The following ZNF616 variants were observed in gnomAD, a reference collection of about 807,000 sequenced individuals.
ZNF616 encodes zinc finger protein 616.
Under a neutral mutation model 7.6 loss-of-function variants are expected in ZNF616, and 5 were observed. The observed-to-expected ratio is 0.66, with a 90% CI of 0.34 to 1.38. ZNF616 has a LOEUF of 1.38. Ranked by LOEUF, ZNF616 falls within the 40% of genes most tolerant of loss-of-function variation. The pLI is 0.04. For synonymous variants in ZNF616, 319 were observed against 317.2 expected (o/e 1.01, Z -0.06); for missense variants, 913 against 948.3 (o/e 0.96, Z 0.49).
intron 1 of ZNF616, among the ~76,000 whole-genome samples, chr19:52,130,842 A>G (rs888086560): frequency 3.9e-5 from 6 of 152,244 alleles, no homozygotes; most frequent in Non-Finnish European, 8.8e-5. Context: ...GCTCCCATTC[A>G]GGGCACGGAC....
Position 52,116,500 on chromosome 19 carries a change from A to G in ZNF616, c.664T>C (p.Phe222Leu), listed in dbSNP as rs1380929717. 1 of 1,614,130 alleles carries G rather than the reference A, an allele frequency of 6.2e-7. No homozygotes were observed. Among genetic ancestry groups the G allele is most frequent in the Non-Finnish European group, 8.5e-7 (1 of 1,180,022 alleles). The change falls in exon 4 of 4, where the codon TTT (phenylalanine) becomes CTT (leucine). Residue 222 changes from phenylalanine (F) to leucine (L), a missense_variant. Phe to Leu is a conservative substitution (Grantham distance 22). Transcript: ENST00000600228. Reference sequence around the variant, plus strand: ...ACAGTTAGTAGTGAGGCCCGATGAAAGGCTTTGCCACACTCATTGCATTTG... The same window carrying G: ...ACAGTTAGTAGTGAGGCCCGATGAAGGGCTTTGCCACACTCATTGCATTTG... Reference protein sequence around the residue: ...PYKCNECGKAFHRASLLTVHK... With the variant: ...PYKCNECGKALHRASLLTVHK...
rs2088884102 is a variant in ZNF616 at position 52,123,959 on chromosome 19, C to T, written c.103G>A (p.Val35Met). 6.2e-7 allele frequency: 1 copy of T among 1,614,010 alleles called. No individual in the cohort carries two copies. Among genetic ancestry groups the T allele is most frequent in the African/African-American group, 1.3e-5 (1 of 74,932 alleles). ...AGGTTCCTATAGTTCTCCAACATCACATCCTTGTACAAAGCTTTCTGCACA... is the reference window on the plus strand; with the variant it reads ...AGGTTCCTATAGTTCTCCAACATCATATCCTTGTACAAAGCTTTCTGCACA... ...EPVQKALYKD[V>M]MLENYRNLVF... is the part of the protein sequence containing the mutation. The change falls in exon 3 of 4, where the codon GTG (valine) becomes ATG (methionine). Residue 35 changes from valine (V) to methionine (M), a missense_variant. Physicochemically the swap from Val to Met is conservative, Grantham distance 21. Coordinates refer to ENST00000600228, the MANE Select transcript of ZNF616 (RefSeq NM_178523.5).
At chr19:52,123,299 G>A (rs555035810) in intron 3 of ZNF616, among the ~76,000 whole-genome samples, 62 of 152,178 alleles carry the variant, frequency 4.1e-4, no homozygotes, top group African/African-American at 1.4e-3. Context: ...TTGGCCGGGC[G>A]TGGTGGCTCA....
intron 2 of ZNF616, 136 bp from the exon 3 acceptor site, chr19:52,124,185 G>T: frequency 9.0e-7 from 1 of 1,114,770 alleles, no homozygotes; most frequent in Non-Finnish European, 1.3e-6. Context: ...AAAGTTATTG[G>T]TCCCTAATTT....
intron 1 of ZNF616, among the ~76,000 whole-genome samples, chr19:52,135,339 C>T (rs187725239): frequency 5.9e-5 from 9 of 152,270 alleles, no homozygotes; most frequent in Admixed American, 5.9e-4. Context: ...ATGACCCCAC[C>T]CTTGAACACT....
intron 2 of ZNF616, among the ~76,000 whole-genome samples, chr19:52,129,841 T>G (rs1419974202): frequency 6.6e-6 from 1 of 151,880 alleles, no homozygotes; most frequent in Non-Finnish European, 1.5e-5. Context: ...TGGGGTGCAG[T>G]GGCACCATCT....
intron 2 of ZNF616, among the ~76,000 whole-genome samples, chr19:52,127,506 A>G (rs2088920259): frequency 6.6e-6 from 1 of 152,262 alleles, no homozygotes; most frequent in Non-Finnish European, 1.5e-5. Flanking sequence ...AATCTACAAC[A>G]AGATATACAG....
At chr19:52,124,676 G>A (rs1287502500) in intron 2 of ZNF616, among the ~76,000 whole-genome samples, 4 of 152,172 alleles carry the variant, frequency 2.6e-5, no homozygotes, top group Non-Finnish European at 4.4e-5. Flanking sequence ...CAATCAAACA[G>A]TTACATTATG....
intron 2 of ZNF616, among the ~76,000 whole-genome samples, chr19:52,130,088 C>G (rs2088944749): frequency 6.6e-6 from 1 of 152,170 alleles, no homozygotes; most frequent in Non-Finnish European, 1.5e-5. Flanking sequence ...CGATAATTTA[C>G]TAGGTATTTA....
intron 1 of ZNF616, 53 bp from the exon 2 acceptor site, chr19:52,130,641 T>G (rs921790986): frequency 1.4e-6 from 2 of 1,391,248 alleles, no homozygotes; most frequent in Non-Finnish European, 9.8e-7. Flanking sequence ...CATTCCTTTC[T>G]GTGTCACAAC....
At chr19:52,138,706 C>G (rs1454408008) in intron 1 of ZNF616, 1 of 152,374 alleles carries the variant, frequency 6.6e-6, no homozygotes. Context: ...TCCCTGTCTG[C>G]TCTCCCTGTT....
intron 1 of ZNF616, among the ~76,000 whole-genome samples, chr19:52,137,979 T>A (rs1458862235): frequency 1.3e-5 from 2 of 152,106 alleles, no homozygotes; most frequent in Non-Finnish European, 2.9e-5. Context: ...ACCAACACTC[T>A]CAACTCTCCT....
At chr19:52,135,608 C>T (rs2122175167) in intron 1 of ZNF616, among the ~76,000 whole-genome samples, 1 of 152,288 alleles carries the variant, frequency 6.6e-6, no homozygotes, top group Admixed American at 6.5e-5. Flanking sequence ...CACCACCACT[C>T]CAGCTGCCCA....
chr19:52,137,741 A>T (rs898244842), intron 1 of ZNF616, among the ~76,000 whole-genome samples: 1 of 152,232 alleles, frequency 6.6e-6, no homozygotes, highest in African/African-American at 2.4e-5. Context: ...AACAGTTTGG[A>T]AAGTTTTTGA....
intron 3 of ZNF616, among the ~76,000 whole-genome samples, chr19:52,121,588 G>C (rs2088864573): frequency 6.6e-6 from 1 of 152,134 alleles, no homozygotes; most frequent in South Asian, 2.1e-4. Context: ...CAATAGAACA[G>C]AATAGGGAAC....
intron 1 of ZNF616, among the ~76,000 whole-genome samples, chr19:52,137,762 A>G (rs67602609): frequency 0.095 from 14,416 of 152,248 alleles, 921 homozygotes; most frequent in South Asian, 0.3. Flanking sequence ...AAAATCTAAT[A>G]AATTATGGGG....
chr19:52,115,324 A>T lies in ZNF616; in HGVS notation c.1840T>A (p.Phe614Ile). ...PYKCHECGKA[F>I]NQGSTLNRHQ... ...CTATTGAGTGTGGAGCCCTGATTAA[A>T]GGCTTTGCCACATTCATGACATTTG... The change falls in exon 4 of 4, where the codon TTT becomes ATT. Residue 614 changes from phenylalanine (F) to isoleucine (I), a missense_variant. By Grantham distance (21) the Phe-to-Ile change is conservative. Coordinates refer to ENST00000600228, the MANE Select transcript of ZNF616 (RefSeq NM_178523.5). The T allele has an allele frequency of 6.2e-7, 1 of 1,614,138 alleles. No homozygotes were observed. Among genetic ancestry groups the T allele is most frequent in the Admixed American group, 1.7e-5 (1 of 60,012 alleles).
At chr19:52,128,186 T>TAAA (rs777095751) in intron 2 of ZNF616, among the ~76,000 whole-genome samples, 7 of 97,614 alleles carry the variant, frequency 7.2e-5, no homozygotes, top group Admixed American at 1.1e-4. Context: ...TCCCACCCAA[T>TAAA]AAAAAAAAAA....
At chr19:52,123,307 TCA>T (rs2088878839) in intron 3 of ZNF616, among the ~76,000 whole-genome samples, 1 of 152,100 alleles carries the variant, frequency 6.6e-6, no homozygotes, top group Admixed American at 6.6e-5. Context: ...GCGTGGTGGC[TCA>T]CACCTGTAAT....
Sources: gnomAD v4.1 joint callset for allele counts (sites outside exome capture counted in the v4.1 genomes callset) on GRCh38, gnomAD v4.1.1 for gene constraint, MANE v1.5 for transcripts, NCBI Gene and HGNC (gene_info 2026-07-23, HGNC 2026-07-21) for gene names.